Variants in PLCB4 observed in about 807,000 individuals in gnomAD.
PLCB4 encodes the protein 1-phosphatidylinositol 4,5-bisphosphate phosphodiesterase beta-4.
PLCB4 carries 77 observed loss-of-function variants against 178.8 expected under a neutral mutation model. The observed-to-expected ratio is 0.43, with a 90% CI of 0.36 to 0.52. The LOEUF (loss-of-function observed/expected upper bound fraction) is 0.52. Ranked by LOEUF, PLCB4 falls within the 20% of genes least tolerant of loss-of-function variation. The pLI is 0.00. For missense variants in PLCB4, 1,024 were observed against 1,453.4 expected (o/e 0.70, Z 4.80); for synonymous variants, 496 against 490.8 (o/e 1.01, Z -0.14).
intron 3 of PLCB4, among the ~76,000 whole-genome samples, chr20:9,303,774 C>T (rs1409554418): frequency 6.6e-6 from 1 of 152,016 alleles, no homozygotes; most frequent in East Asian, 1.9e-4. Flanking sequence ...TGAGGCACCT[C>T]CATACTGTTT....
chr20:9,097,282 A>G (rs1014635169), intron 2 of PLCB4, among the ~76,000 whole-genome samples: 3 of 139,568 alleles, frequency 2.1e-5, no homozygotes, highest in Non-Finnish European at 4.6e-5. Context: ...TTTATTCTGA[A>G]ATATGGACTG....
chr20:9,215,623 CT>C (rs1029600769), intron 2 of PLCB4, among the ~76,000 whole-genome samples: 4 of 152,034 alleles, frequency 2.6e-5, no homozygotes, highest in African/African-American at 9.7e-5. Flanking sequence ...AGTGAATTGG[CT>C]TTTTTTCCAT....
chr20:9,223,487 C>T (rs1278449756), intron 3 of PLCB4, among the ~76,000 whole-genome samples: 1 of 152,190 alleles, frequency 6.6e-6, no homozygotes, highest in Admixed American at 6.5e-5. Context: ...TGAGTTCTTT[C>T]ATGCAGTTGC....
chr20:9,086,291 A>G (rs1347365591), intron 1 of PLCB4, among the ~76,000 whole-genome samples: 2 of 152,102 alleles, frequency 1.3e-5, no homozygotes, highest in Admixed American at 6.6e-5. Context: ...CAGCATCGGT[A>G]TATTGGGAAG....
chr20:9,214,651 T>G (rs1305583582), intron 2 of PLCB4, among the ~76,000 whole-genome samples: 2 of 151,822 alleles, frequency 1.3e-5, no homozygotes, highest in African/African-American at 2.4e-5. Flanking sequence ...CAAAGCCCCA[T>G]GTAATCCCTT....
At chr20:9,220,117 C>G (rs1042542808) in intron 3 of PLCB4, among the ~76,000 whole-genome samples, 4 of 152,150 alleles carry the variant, frequency 2.6e-5, no homozygotes, top group Admixed American at 1.3e-4. Flanking sequence ...TATCCTCACC[C>G]TTGCATTAAG....
intron 3 of PLCB4, among the ~76,000 whole-genome samples, chr20:9,224,282 G>A (rs1001842869): frequency 4.6e-5 from 7 of 152,106 alleles, no homozygotes; most frequent in African/African-American, 1.2e-4. Context: ...TTTCATTCCC[G>A]GGCACCCTTC....
At chr20:9,133,620 G>C (rs956766404) in intron 2 of PLCB4, among the ~76,000 whole-genome samples, 1 of 152,134 alleles carries the variant, frequency 6.6e-6, no homozygotes, top group Non-Finnish European at 1.5e-5. Context: ...TTCAGGGTGA[G>C]CTAGCACCAG....
chr20:9,474,695 T>TA (rs1306950700), intron 38 of PLCB4, among the ~76,000 whole-genome samples: 7 of 151,988 alleles, frequency 4.6e-5, no homozygotes, highest in South Asian at 2.1e-4. Flanking sequence ...TAAAATAAAA[T>TA]AAAATAAAAT....
intron 3 of PLCB4, among the ~76,000 whole-genome samples, chr20:9,251,675 G>A (rs2147486296): frequency 6.6e-6 from 1 of 152,136 alleles, no homozygotes; most frequent in South Asian, 2.1e-4. Context: ...GTCACTTGCA[G>A]CCTTCCCCTT....
chr20:9,384,878 G>C (rs1320258596), intron 14 of PLCB4, among the ~76,000 whole-genome samples: 2 of 151,618 alleles, frequency 1.3e-5, no homozygotes, highest in South Asian at 2.1e-4. Flanking sequence ...CAGGGTCATA[G>C]GATAATAGTG....
intron 25 of PLCB4, among the ~76,000 whole-genome samples, chr20:9,413,736 A>G (rs1379443987): frequency 6.6e-6 from 1 of 151,294 alleles, no homozygotes; most frequent in East Asian, 1.9e-4. Flanking sequence ...CATTATTAGC[A>G]CGTGCAGTGT....
intron 2 of PLCB4, among the ~76,000 whole-genome samples, chr20:9,152,763 C>T (rs1260355959): frequency 6.6e-6 from 1 of 152,136 alleles, no homozygotes; most frequent in Non-Finnish European, 1.5e-5. Context: ...ATCCTCCAGA[C>T]CCCAAAATGG....
intron 2 of PLCB4, among the ~76,000 whole-genome samples, chr20:9,108,796 C>A (rs1485278148): frequency 6.6e-6 from 1 of 151,384 alleles, no homozygotes; most frequent in South Asian, 2.1e-4. Context: ...CCAGGTGCAG[C>A]TGCCCAAACT....
At chr20:9,160,169 G>T (rs927861908) in intron 2 of PLCB4, among the ~76,000 whole-genome samples, 3 of 152,186 alleles carry the variant, frequency 2.0e-5, no homozygotes, top group African/African-American at 7.2e-5. Context: ...GTTGAGTAGA[G>T]AATTGTGGCT....
chr20:9,208,058 G>T (rs368698577), intron 2 of PLCB4, among the ~76,000 whole-genome samples: 1 of 152,190 alleles, frequency 6.6e-6, no homozygotes, highest in Non-Finnish European at 1.5e-5. Context: ...ATCTGTCTGA[G>T]TGCAATGCAT....
rs527315427 is a variant in PLCB4 at position 9,320,500 on chromosome 20, G to A, written c.84+12602G>A. Among the ~76,000 whole-genome samples, 337 of 152,214 alleles carry A rather than the reference G, an allele frequency of 2.2e-3. 5 individuals carry two copies. The Middle Eastern group carries it at 0.058, about 26-fold the overall frequency. ...TTGTGCTGACCTCCTCTCTCATCCT[G>A]TAACTAAGAATGCCTAACCTCCTGG... On this transcript the variant is annotated intron_variant, in intron 4 of 39. Transcript: ENST00000378473.
chr20:9,173,401 G>T (rs112294547), intron 2 of PLCB4, among the ~76,000 whole-genome samples: 101 of 152,260 alleles, frequency 6.6e-4, no homozygotes, highest in African/African-American at 2.2e-3. Flanking sequence ...GGAGACACAC[G>T]CTCTCCAGTT....
intron 2 of PLCB4, among the ~76,000 whole-genome samples, chr20:9,131,968 C>T (rs997749477): frequency 6.6e-5 from 10 of 152,130 alleles, no homozygotes; most frequent in Admixed American, 1.3e-4. Context: ...GAGGCCGTCT[C>T]GCATGTTCCA....
Sources: gnomAD v4.1 joint callset for allele counts (sites outside exome capture counted in the v4.1 genomes callset) on GRCh38, gnomAD v4.1.1 for gene constraint, MANE v1.5 for transcripts, NCBI Gene and HGNC (gene_info 2026-07-23, HGNC 2026-07-21) for gene names.